ACSBG1: variants seen among roughly 807,000 people sequenced by gnomAD.
ACSBG1 encodes long-chain-fatty-acid--CoA ligase ACSBG1.
A neutral mutation model predicts 80.2 loss-of-function variants in ACSBG1; 39 were observed. The observed-to-expected ratio is 0.49, with a 90% CI of 0.38 to 0.64. The LOEUF (loss-of-function observed/expected upper bound fraction) is 0.64. Among genes scored for constraint, ACSBG1 ranks in the 30% least tolerant of loss-of-function variants. The probability of loss-of-function intolerance (pLI) is 0.00; values close to 1 mark genes in which losing one functional copy is unlikely to be tolerated. For synonymous variants in ACSBG1, 392 were observed against 379.5 expected (o/e 1.03, Z -0.38); for missense variants, 828 against 966.4 (o/e 0.86, Z 1.90).
chr15:78,193,517 T>C lies in ACSBG1; in HGVS notation c.652A>G (p.Lys218Glu). 6.2e-7 allele frequency: 1 copy of C among 1,611,250 alleles called. No individual in the cohort carries two copies. Among genetic ancestry groups the C allele is most frequent in the South Asian group, 1.1e-5 (1 of 90,654 alleles). Residue 218 changes from lysine (K) to glutamate (E), a missense_variant, in exon 5 of 14, where the codon AAG becomes GAG. This residue lies in a region of ACSBG1 where 356 missense variants were observed against 363.5 expected (regional missense o/e 0.98). Coordinates refer to ENST00000258873, the MANE Select transcript of ACSBG1 (RefSeq NM_015162.5). ...IMVDTQKQLE[K>E]ILKIWKQLPH... ...CCTCTTCCCCAAACCTTCAGGATCTTTTCCAGCTGCTTCTGCGTGTCGACC... is the reference window on the plus strand; with the variant it reads ...CCTCTTCCCCAAACCTTCAGGATCTCTTCCAGCTGCTTCTGCGTGTCGACC...
chr15:78,212,372 A>T (rs892958882), intron 1 of ACSBG1, among the ~76,000 whole-genome samples: 1 of 152,126 alleles, frequency 6.6e-6, no homozygotes, highest in Non-Finnish European at 1.5e-5. Flanking sequence ...ATGAGCTCTC[A>T]TGGATCTTTG....
intron 2 of ACSBG1, among the ~76,000 whole-genome samples, chr15:78,197,098 A>T (rs1039859326): frequency 2.0e-5 from 3 of 152,040 alleles, no homozygotes; most frequent in African/African-American, 4.8e-5. Flanking sequence ...ATAATAAATT[A>T]AAAAAATATA....
intron 1 of ACSBG1, among the ~76,000 whole-genome samples, chr15:78,223,403 C>G (rs1302647892): frequency 6.6e-6 from 1 of 152,062 alleles, no homozygotes; most frequent in East Asian, 1.9e-4. Context: ...ATGTAACAAA[C>G]CTGCACATCC....
At chr15:78,175,440 C>T (rs900829690) in intron 11 of ACSBG1, among the ~76,000 whole-genome samples, 2 of 152,166 alleles carry the variant, frequency 1.3e-5, no homozygotes, top group African/African-American at 2.4e-5. Context: ...TGCAGCGGGG[C>T]AGTGAGACAG....
chr15:78,171,478 A>C lies in ACSBG1; in HGVS notation c.2141T>G (p.Ile714Ser). Residue 714 changes from isoleucine to serine, a missense_variant, in exon 14 of 14, where the codon ATC (isoleucine) becomes AGC (serine). Physicochemically the swap from Ile to Ser is moderately radical, Grantham distance 142 (BLOSUM62 -2). Coordinates refer to ENST00000258873, the MANE Select transcript of ACSBG1 (RefSeq NM_015162.5). ...TTGCTCTTGGTAAAAGGAGTCAATG[A>C]TACCTTTGTACTTCTCCAAAACTGT... ...RLTVLEKYKGIIDSFYQEQKM is the reference protein window; with the variant it reads ...RLTVLEKYKGSIDSFYQEQKM 1.2e-6 allele frequency: 2 copies of C among 1,614,186 alleles called. No individual in the cohort carries two copies. Among genetic ancestry groups the C allele is most frequent in the Non-Finnish European group, 1.7e-6 (2 of 1,180,004 alleles).
rs2074906028 is a variant in ACSBG1 at position 78,178,539 on chromosome 15, C to A, written c.1702+75G>T. The A allele has an allele frequency of 5.4e-6, 8 of 1,494,378 alleles. No homozygotes were observed. Among genetic ancestry groups the A allele is most frequent in the Non-Finnish European group, 5.4e-6 (6 of 1,118,428 alleles). 92.6% of individuals were successfully genotyped at this position (1,494,378 alleles called of 1,614,324 possible). A position where few individuals can be genotyped will look rare whatever the true frequency, so the allele number is the denominator to read the frequency against. ...GTGGTCTTGAACTCCTGAGCTCAGACAATCTGCCCGCCTTGGCCTCCCAAA... is the reference window on the plus strand; with the variant it reads ...GTGGTCTTGAACTCCTGAGCTCAGAAAATCTGCCCGCCTTGGCCTCCCAAA... On this transcript the variant is annotated intron_variant, in intron 11 of 13. Coordinates refer to ENST00000258873, the MANE Select transcript of ACSBG1 (RefSeq NM_015162.5). This position sits in a 1 kb window ranked among gnomAD's most constrained non-coding sequence, Gnocchi z 4.3.
chr15:78,218,831 T>TTG (rs796255532), intron 1 of ACSBG1, among the ~76,000 whole-genome samples: 1 of 37,716 alleles, frequency 2.7e-5, no homozygotes, highest in East Asian at 3.1e-4. Flanking sequence ...TTTTTTTTTT[T>TTG]GACGGAGTAT....
chr15:78,198,055 T>TG (rs1276851330), intron 2 of ACSBG1, among the ~76,000 whole-genome samples: 4 of 152,162 alleles, frequency 2.6e-5, no homozygotes, highest in African/African-American at 9.7e-5. Flanking sequence ...TTTTTTGACA[T>TG]GGAGTCTCAC....
chr15:78,182,750 C>G lies in ACSBG1; in HGVS notation c.699G>C (p.Val233=), dbSNP rs1390146691. ...WKQLPHLKAV[V]IYKEPPPNKM... ...TGTTTGGAGGAGGTTCTTTATATAT[C>G]ACGACTGCCTTTAGATGTGGCAACT... The change falls in exon 6 of 14, where the codon GTG becomes GTC. Residue 233 remains valine (V), a synonymous_variant. Transcript: ENST00000258873. 6.2e-7 allele frequency: 1 copy of G among 1,614,132 alleles called. No homozygotes were observed.
chr15:78,212,411 C>A, intron 1 of ACSBG1: 1 of 370,878 alleles, frequency 2.7e-6, no homozygotes. Flanking sequence ...GATAACTTGG[C>A]AAGATTGAGA....
intron 1 of ACSBG1, among the ~76,000 whole-genome samples, chr15:78,229,617 G>A (rs771464328): frequency 1.2e-4 from 18 of 152,130 alleles, no homozygotes; most frequent in Admixed American, 6.5e-5. Flanking sequence ...AGGCAGCGCC[G>A]GGAGAGTCAG....
intron 1 of ACSBG1, among the ~76,000 whole-genome samples, chr15:78,214,578 T>A (rs558904822): frequency 1.4e-4 from 20 of 147,114 alleles, no homozygotes; most frequent in African/African-American, 4.6e-4. Context: ...TAGCTGGGAT[T>A]ATAGGTGTGC....
rs1169083204 is a variant in ACSBG1, at chr15:78,173,930, G to A, written c.1843-91C>T. On this transcript the variant is annotated intron_variant, in intron 12 of 13. Coordinates refer to ENST00000258873, the MANE Select transcript of ACSBG1 (RefSeq NM_015162.5). The stretch of plus-strand genomic sequence containing the variant: ...GGAGGTCTTACTGCTGTCGGCAAGG[G>A]TGTGAATCATGTGAGCTCTGTTTCA... 6 of 1,463,464 alleles carry A rather than the reference G, an allele frequency of 4.1e-6. No homozygotes were observed. The East Asian group carries it at 1.2e-4, about 29-fold the overall frequency. The allele number at this position is 1,463,464 out of a possible 1,614,324, so 90.7% of individuals were successfully genotyped here.
rs762504950 is a variant in ACSBG1 at position 78,179,678 on chromosome 15, C to A, written c.1356G>T (p.Ala452=). Residue 452 remains alanine, a synonymous_variant, in exon 10 of 14, where the codon GCG becomes GCT. Coordinates refer to ENST00000258873, the MANE Select transcript of ACSBG1 (RefSeq NM_015162.5). ...GCTGTGTCTCTGCCATCATGGGGGC[C>A]GCTCCATAGAAGTTCTTTTGACACT... is the stretch of plus-strand genomic sequence containing the variant. The part of the protein sequence containing the change: ...FAKCQKNFYG[A]APMMAETQHF... 6.2e-7 allele frequency: 1 copy of A among 1,614,014 alleles called. No homozygotes were observed. Among genetic ancestry groups the A allele is most frequent in the Non-Finnish European group, 8.5e-7 (1 of 1,180,042 alleles).
chr15:78,201,521 T>A (rs551208797), intron 2 of ACSBG1, among the ~76,000 whole-genome samples: 1 of 152,354 alleles, frequency 6.6e-6, no homozygotes, highest in South Asian at 2.1e-4. Context: ...CCTTCTGACC[T>A]GGGCCCACCA....
At chr15:78,217,723 C>T (rs1441465248) in intron 1 of ACSBG1, among the ~76,000 whole-genome samples, 2 of 152,100 alleles carry the variant, frequency 1.3e-5, no homozygotes, top group Admixed American at 6.5e-5. Flanking sequence ...CACGCCACCA[C>T]ACCCGGCTAA....
At position 78,178,879 on chromosome 15, in the gene ACSBG1, C is replaced by T; in HGVS notation, c.1485-48G>A. 1 of 1,543,670 alleles carries T rather than the reference C, an allele frequency of 6.5e-7. No homozygotes were observed. The highest frequency in any genetic ancestry group is 8.7e-7 in the Non-Finnish European group (1 of 1,147,450). On this transcript the variant is annotated intron_variant, in intron 10 of 13. Transcript: ENST00000258873. This position sits in a 1 kb window ranked among gnomAD's most constrained non-coding sequence, Gnocchi z 4.3. ...ACTGGTCAGAGGGAGCCGTCTCCTCCAAGCCCCCACTGGGGAGCCGGGGTC... is the reference window on the plus strand; with the variant it reads ...ACTGGTCAGAGGGAGCCGTCTCCTCTAAGCCCCCACTGGGGAGCCGGGGTC...
chr15:78,226,913 T>A (rs1019277374), intron 1 of ACSBG1, among the ~76,000 whole-genome samples: 1 of 148,514 alleles, frequency 6.7e-6, no homozygotes. Flanking sequence ...AAAAAAAAAA[T>A]TTGCTCATCA....
chr15:78,195,413 T>C (rs935703643), intron 2 of ACSBG1, among the ~76,000 whole-genome samples: 3 of 152,064 alleles, frequency 2.0e-5, no homozygotes, highest in African/African-American at 7.3e-5. Context: ...AACTCAGGTG[T>C]ACCTGATTCC....
Sources: gnomAD v4.1 joint callset for allele counts (sites outside exome capture counted in the v4.1 genomes callset) on GRCh38, gnomAD v4.1.1 for gene constraint, gnomAD v4.1.1 regional missense constraint, Gnocchi (gnomAD v3.1) non-coding constraint, MANE v1.5 for transcripts, NCBI Gene and HGNC (gene_info 2026-07-23, HGNC 2026-07-21) for gene names.